The following UBASH3B variants were observed in gnomAD, a reference collection of about 807,000 sequenced individuals.
The protein encoded by UBASH3B is ubiquitin associated and SH3 domain containing B.
UBASH3B carries 37 observed loss-of-function variants against 83.4 expected under a neutral mutation model. The ratio of observed to expected loss-of-function variants is 0.44; its 90% CI spans 0.34 to 0.58. The LOEUF (loss-of-function observed/expected upper bound fraction) is 0.58. UBASH3B is among the 20% of genes least tolerant of loss of function. The pLI is 0.01. For synonymous variants in UBASH3B, 304 were observed against 318.3 expected (o/e 0.96, Z 0.48); for missense variants, 657 against 827.2 (o/e 0.79, Z 2.52).
At chr11:122,790,037 C>A (rs1235753404) in intron 6 of UBASH3B, among the ~76,000 whole-genome samples, 2 of 152,216 alleles carry the variant, frequency 1.3e-5, no homozygotes, top group Non-Finnish European at 2.9e-5. Context: ...TCAAAGCCAG[C>A]GCTTCCCTGG....
intron 1 of UBASH3B, among the ~76,000 whole-genome samples, chr11:122,690,236 T>TTATATATATATATATCCAATTA (rs1863876015): frequency 1.3e-5 from 1 of 76,814 alleles, no homozygotes; most frequent in East Asian, 3.9e-4. Flanking sequence ...ATATCCAATT[T>TTATATATATATATATCCAATTA]TATATATATA....
chr11:122,707,720 A>G (rs760356477), intron 1 of UBASH3B, among the ~76,000 whole-genome samples: 1 of 151,844 alleles, frequency 6.6e-6, no homozygotes, highest in Non-Finnish European at 1.5e-5. Context: ...TTTTTTTGAG[A>G]TGGAGTCTCG....
chr11:122,728,567 T>G (rs1289926341), intron 1 of UBASH3B, among the ~76,000 whole-genome samples: 1 of 152,216 alleles, frequency 6.6e-6, no homozygotes, highest in Non-Finnish European at 1.5e-5. Context: ...TCTCCCTATT[T>G]AAATATTAGC....
rs575032777 is a variant in UBASH3B, at chr11:122,685,289, G to A, written c.161+29079G>A. On this transcript the variant is annotated intron_variant, in intron 1 of 13. Transcript: ENST00000284273. ...GTAGCTTTTTGAGAGCAAAGACCTT[G>A]ACTGTCTTATTCATTACTCTGATTC... 1.7e-4 allele frequency among the ~76,000 whole-genome samples: 26 copies of A among 152,240 alleles called. 1 individual carries two copies. The South Asian group carries it at 5.4e-3, about 32-fold the overall frequency.
At chr11:122,796,638 T>G (rs1451774018) in intron 8 of UBASH3B, among the ~76,000 whole-genome samples, 1 of 152,190 alleles carries the variant, frequency 6.6e-6, no homozygotes, top group African/African-American at 2.4e-5. Flanking sequence ...AGAGGCTTGC[T>G]TAACCAGGGA....
intron 1 of UBASH3B, among the ~76,000 whole-genome samples, chr11:122,720,797 C>T (rs1034745684): frequency 2.0e-5 from 3 of 152,160 alleles, no homozygotes; most frequent in African/African-American, 4.8e-5. Context: ...AATCCCTTCC[C>T]ACCCTTCCCT....
intron 1 of UBASH3B, among the ~76,000 whole-genome samples, chr11:122,763,177 G>C (rs894789036): frequency 2.0e-5 from 3 of 152,170 alleles, no homozygotes; most frequent in African/African-American, 7.2e-5. Context: ...GCATTGTCTA[G>C]ATGCTAGAGG....
At chr11:122,800,043 A>G (rs369668175) in intron 10 of UBASH3B, among the ~76,000 whole-genome samples, 7 of 152,378 alleles carry the variant, frequency 4.6e-5, no homozygotes, top group African/African-American at 1.7e-4. Flanking sequence ...CAATATGAAG[A>G]TAACTAAGCA....
At chr11:122,720,984 G>A (rs1055814199) in intron 1 of UBASH3B, among the ~76,000 whole-genome samples, 5 of 151,898 alleles carry the variant, frequency 3.3e-5, no homozygotes, top group African/African-American at 7.3e-5. Context: ...GGTGGCTCAC[G>A]CCTGTAATCC....
intron 8 of UBASH3B, 63 bp downstream of exon 8, chr11:122,796,339 C>A: frequency 6.3e-7 from 1 of 1,588,656 alleles, no homozygotes; most frequent in South Asian, 1.1e-5. Flanking sequence ...GCGGCACAGT[C>A]AAGCTACAGT....
At chr11:122,739,820 C>T (rs1164870526) in intron 1 of UBASH3B, among the ~76,000 whole-genome samples, 1 of 152,174 alleles carries the variant, frequency 6.6e-6, no homozygotes, top group Non-Finnish European at 1.5e-5. Context: ...TCCCATTAAG[C>T]TTTATGGGAT....
At chr11:122,667,037 C>CTTTTTT (rs148029449) in intron 1 of UBASH3B, among the ~76,000 whole-genome samples, 3 of 101,546 alleles carry the variant, frequency 3.0e-5, no homozygotes, top group Admixed American at 1.1e-4. Flanking sequence ...TAATGGCATT[C>CTTTTTT]TTTTTTTTTT....
chr11:122,792,091 G>T (rs1487835523), intron 6 of UBASH3B, among the ~76,000 whole-genome samples: 1 of 152,194 alleles, frequency 6.6e-6, no homozygotes, highest in Non-Finnish European at 1.5e-5. Flanking sequence ...CTCAGAGTGA[G>T]TCAGGTCCTT....
At chr11:122,684,344 C>G (rs967080312) in intron 1 of UBASH3B, among the ~76,000 whole-genome samples, 2 of 152,186 alleles carry the variant, frequency 1.3e-5, no homozygotes, top group Admixed American at 6.5e-5. Flanking sequence ...TAGTCCTGGC[C>G]TGGGGTTGCT....
chr11:122,719,969 C>T (rs990752536), intron 1 of UBASH3B, among the ~76,000 whole-genome samples: 24 of 152,196 alleles, frequency 1.6e-4, no homozygotes, highest in Non-Finnish European at 3.2e-4. Flanking sequence ...GCTCCAACTC[C>T]TTGGCTGGCT....
At chr11:122,764,138 C>T (rs1258183305) in intron 1 of UBASH3B, among the ~76,000 whole-genome samples, 1 of 152,106 alleles carries the variant, frequency 6.6e-6, no homozygotes, top group Non-Finnish European at 1.5e-5. Flanking sequence ...ATTAGGCAAC[C>T]AAGAGACATT....
At chr11:122,741,927 C>T (rs1381194783) in intron 1 of UBASH3B, among the ~76,000 whole-genome samples, 1 of 152,194 alleles carries the variant, frequency 6.6e-6, no homozygotes, top group Non-Finnish European at 1.5e-5. Flanking sequence ...AGGAGGACTC[C>T]CCTCTCCTTT....
chr11:122,723,886 G>A (rs964293555), intron 1 of UBASH3B, among the ~76,000 whole-genome samples: 1 of 152,240 alleles, frequency 6.6e-6, no homozygotes, highest in African/African-American at 2.4e-5. Flanking sequence ...TGGTGCTTCT[G>A]GGTGAGGCTA....
chr11:122,687,863 C>T (rs930608363), intron 1 of UBASH3B, among the ~76,000 whole-genome samples: 1 of 152,138 alleles, frequency 6.6e-6, no homozygotes, highest in Non-Finnish European at 1.5e-5. Flanking sequence ...CCTGTCTTAC[C>T]TCCCTATCCT....
Sources: gnomAD v4.1 joint callset for allele counts (sites outside exome capture counted in the v4.1 genomes callset) on GRCh38, gnomAD v4.1.1 for gene constraint, MANE v1.5 for transcripts, NCBI Gene and HGNC (gene_info 2026-07-23, HGNC 2026-07-21) for gene names.